MS4A6A: variants seen among roughly 807,000 people sequenced by gnomAD.
MS4A6A encodes the protein membrane-spanning 4-domains subfamily A member 6A.
In MS4A6A, 19 loss-of-function variants were observed where a neutral mutation model predicts 20.6. The ratio of observed to expected loss-of-function variants is 0.92; its 90% CI spans 0.64 to 1.36. MS4A6A has a LOEUF of 1.36. MS4A6A is among the 40% of genes most tolerant of loss of function. The pLI is 0.00. For synonymous variants in MS4A6A, 108 were observed against 105.0 expected, an observed-to-expected ratio of 1.03 and a Z score of -0.17; for missense variants, 272 against 261.1, an observed-to-expected ratio of 1.04 and a Z score of -0.29.
Position 60,183,059 on chromosome 11 carries a change from T to A in MS4A6A, c.-96A>T, listed in dbSNP as rs917914522. On this transcript the variant is annotated 5_prime_UTR_variant, in exon 1 of 6. The change creates a premature stop within an existing upstream ORF in the 5' untranslated region. Transcript: ENST00000528851. ...GTTTCTCAGTCCCATCAACGGTTTC[T>A]ACTTACCTTCATCTTCTGAAAGTCA... 1.3e-6 allele frequency: 2 copies of A among 1,496,412 alleles called. No individual in the cohort carries two copies. The highest frequency in any genetic ancestry group is 1.8e-6 in the Non-Finnish European group (2 of 1,130,684). The allele number at this position is 1,496,412 out of a possible 1,614,324, so 92.7% of individuals were successfully genotyped here. A position where few individuals can be genotyped will look rare whatever the true frequency, so the allele number is the denominator to read the frequency against.
At chr11:60,171,997 T>C, downstream of MS4A6A, 1 of 642,116 alleles carries the variant, frequency 1.6e-6, no homozygotes, top group Non-Finnish European at 2.5e-6. Context: ...AGATCCCCAA[T>C]GAACACATAT....
At chr11:60,172,410 C>T, downstream of MS4A6A, 2 of 1,386,542 alleles carry the variant, frequency 1.4e-6, no homozygotes, top group Non-Finnish European at 1.9e-6. Flanking sequence ...ATTTATCACC[C>T]TAGTATTCAT....
intron 4 of MS4A6A, among the ~76,000 whole-genome samples, chr11:60,177,596 AC>A (rs1454544610): frequency 6.6e-6 from 1 of 152,132 alleles, no homozygotes; most frequent in Non-Finnish European, 1.5e-5. Flanking sequence ...GTTAGCCAAT[AC>A]AAATGACTAA....
At chr11:60,172,291 A>G (rs775617983), downstream of MS4A6A, 7 of 1,606,112 alleles carry the variant, frequency 4.4e-6, no homozygotes, top group Non-Finnish European at 5.9e-6. Context: ...TCAGACTTCA[A>G]TCAGGTTCAA....
At chr11:60,183,134 A>C (rs2083828631), upstream of MS4A6A, 3 of 1,535,732 alleles carry the variant, frequency 2.0e-6, no homozygotes, top group Non-Finnish European at 2.6e-6. Flanking sequence ...TGTGATACTC[A>C]CAGATTGTAG....
intron 5 of MS4A6A, among the ~76,000 whole-genome samples, chr11:60,174,439 C>T (rs1856736227): frequency 6.6e-6 from 1 of 151,938 alleles, no homozygotes; most frequent in Non-Finnish European, 1.5e-5. Context: ...TAATTCTCCG[C>T]CTCAGCCTCC....
chr11:60,178,400 C>T, intron 3 of MS4A6A, 84 bp from the exon 4 acceptor site: 1 of 1,107,800 alleles, frequency 9.0e-7, no homozygotes, highest in East Asian at 2.4e-5. Context: ...ATAGACAACT[C>T]TCATGGGAAA....
chr11:60,176,203 G>A (rs141921754), intron 4 of MS4A6A, among the ~76,000 whole-genome samples: 1 of 152,322 alleles, frequency 6.6e-6, no homozygotes, highest in East Asian at 1.9e-4. Context: ...CCTGGAACAT[G>A]GGCAGGCATA....
At chr11:60,176,474 C>T (rs1319309068) in intron 4 of MS4A6A, among the ~76,000 whole-genome samples, 1 of 152,130 alleles carries the variant, frequency 6.6e-6, no homozygotes, top group African/African-American at 2.4e-5. Context: ...TCAGAAGTGA[C>T]TTCTTTTGTA....
chr11:60,180,030 C>T (rs142502787), intron 2 of MS4A6A, 65 bp from the exon 3 acceptor site: 53 of 1,530,058 alleles, frequency 3.5e-5, no homozygotes, highest in African/African-American at 2.5e-4. Flanking sequence ...GCCTTTTTGC[C>T]GCTCCCATGG....
In MS4A6A at chr11:60,179,937, A is replaced by G. The variant is rs1332790321; in HGVS notation, c.176T>C (p.Val59Ala). Residue 59 changes from valine to alanine, a missense_variant, in exon 3 of 6, where the codon GTA (valine) becomes GCA (alanine). By Grantham distance (64) the Val-to-Ala change is moderately conservative. Coordinates refer to ENST00000528851, the MANE Select transcript of MS4A6A (RefSeq NM_022349.4). The part of the protein sequence containing the change: ...GTIQILCGMM[V>A]LSLGIILASA... ...TGCCAAAATGATCCCCAAGCTCAATACCATCATGCCACACAAGATCTGGAT... is the reference window on the plus strand; with the variant it reads ...TGCCAAAATGATCCCCAAGCTCAATGCCATCATGCCACACAAGATCTGGAT... The G allele has an allele frequency of 2.5e-6, 4 of 1,613,972 alleles. No individual in the cohort carries two copies. In the Middle Eastern group the frequency reaches 4.9e-4, roughly 199 times the overall value.
Position 60,179,818 on chromosome 11 carries a change from A to G in MS4A6A, c.282+13T>C. 6.2e-7 allele frequency: 1 copy of G among 1,614,058 alleles called. No homozygotes were observed. The highest frequency in any genetic ancestry group is 8.5e-7 in the Non-Finnish European group (1 of 1,179,986). ...CTTTGCCCCATCCTGCCCTCCTCAG[A>G]AACTCTACTCACAAAAAAGGGTCCT... On this transcript the variant is annotated intron_variant, in intron 3 of 5. Coordinates refer to ENST00000528851, the MANE Select transcript of MS4A6A (RefSeq NM_022349.4).
At chr11:60,178,197 A>G in intron 4 of MS4A6A, 63 bp downstream of exon 4, 1 of 1,434,640 alleles carries the variant, frequency 7.0e-7, no homozygotes. Context: ...GACTAGCCTT[A>G]AAGAGTTCTG....
chr11:60,175,611 C>T lies in MS4A6A; in HGVS notation c.340G>A (p.Val114Met). 1.2e-6 allele frequency: 2 copies of T among 1,612,934 alleles called. No homozygotes were observed. Among genetic ancestry groups the T allele is most frequent in the South Asian group, 1.1e-5 (1 of 91,024 alleles). Residue 114 changes from valine (V) to methionine (M), a missense_variant and splice_region_variant, in exon 5 of 6, where the codon GTG (valine) becomes ATG (methionine). Transcript: ENST00000528851. ...ATEKRLTKLL[V>M]HSSLVGSILS... ...ATGCTTCCAACCAGGCTGCTATGCA[C>T]CTGAAAGAGAAATGTTGGGTAAGGA...
At chr11:60,181,263 T>A (rs1437350434) in intron 2 of MS4A6A, 3 of 418,396 alleles carry the variant, frequency 7.2e-6, no homozygotes, top group East Asian at 1.1e-4. Flanking sequence ...GTGGAATATA[T>A]ACACATACAC....
intron 4 of MS4A6A, 106 bp from the exon 5 acceptor site, chr11:60,175,717 G>T: frequency 8.5e-7 from 1 of 1,177,348 alleles, no homozygotes; most frequent in East Asian, 2.5e-5. Flanking sequence ...CCCTCAGGAG[G>T]TCTGGGATTG....
upstream of MS4A6A, chr11:60,184,283 T>G (rs1392661570): frequency 6.6e-6 from 1 of 152,222 alleles, no homozygotes; most frequent in East Asian, 1.9e-4. Context: ...ACAGAAAGCC[T>G]GGGGAGAGGG....
chr11:60,179,746 G>A (rs962102963), intron 3 of MS4A6A, 85 bp downstream of exon 3: 1 of 1,495,726 alleles, frequency 6.7e-7, no homozygotes, highest in Non-Finnish European at 9.3e-7. Context: ...ATCAAACATA[G>A]CAAGCTGGCA....
chr11:60,179,047 A>G (rs1030777452), intron 3 of MS4A6A, among the ~76,000 whole-genome samples: 1 of 152,196 alleles, frequency 6.6e-6, no homozygotes, highest in African/African-American at 2.4e-5. Context: ...GGGAAAACCA[A>G]TGAAATCCAA....
Sources: gnomAD v4.1 joint callset for allele counts (sites outside exome capture counted in the v4.1 genomes callset) on GRCh38, gnomAD v4.1.1 for gene constraint, MANE v1.5 for transcripts, NCBI Gene and HGNC (gene_info 2026-07-23, HGNC 2026-07-21) for gene names.